CPVL: variants seen among roughly 807,000 people sequenced by gnomAD.
CPVL encodes the protein probable serine carboxypeptidase CPVL.
A neutral mutation model predicts 63.7 loss-of-function variants in CPVL; 51 were observed. The ratio of observed to expected loss-of-function variants is 0.80; its 90% CI spans 0.64 to 1.01. CPVL has a LOEUF of 1.01. Ranked by LOEUF, CPVL falls within the 50% of genes least tolerant of loss-of-function variation. The pLI is 0.00. For missense variants in CPVL, 530 were observed against 573.1 expected, an observed-to-expected ratio of 0.92 and a Z score of 0.77; for synonymous variants, 195 against 206.0, an observed-to-expected ratio of 0.95 and a Z score of 0.46.
intron 3 of CPVL, 114 bp from the exon 4 acceptor site, chr7:29,096,331 T>C (rs922318340): frequency 5.0e-6 from 4 of 794,554 alleles, no homozygotes; most frequent in East Asian, 2.6e-5. Context: ...GACTAAATCC[T>C]ACAAAACCTC....
chr7:29,050,725 CAG>C (rs564338148), intron 11 of CPVL, among the ~76,000 whole-genome samples: 39 of 150,926 alleles, frequency 2.6e-4, no homozygotes, highest in African/African-American at 8.3e-4. Context: ...TCATTCTTCA[CAG>C]AATTCGAAAA....
chr7:29,084,902 T>C (rs1340219541), intron 7 of CPVL, among the ~76,000 whole-genome samples: 1 of 152,192 alleles, frequency 6.6e-6, no homozygotes, highest in African/African-American at 2.4e-5. Flanking sequence ...TCTGAAACCA[T>C]ATTGGGCATA....
At chr7:29,030,906 A>C in intron 11 of CPVL, 147 bp from the exon 12 acceptor site, 1 of 697,352 alleles carries the variant, frequency 1.4e-6, no homozygotes, top group Non-Finnish European at 2.3e-6. Context: ...AAAGAATAAC[A>C]ATCCGAAATA....
intron 7 of CPVL, among the ~76,000 whole-genome samples, 183 bp from the exon 8 acceptor site, chr7:29,072,606 G>C (rs974367794): frequency 1.3e-5 from 2 of 151,990 alleles, no homozygotes; most frequent in East Asian, 3.9e-4. Flanking sequence ...TTCTTTTGTC[G>C]TCTCAAATAG....
At chr7:29,045,052 T>G (rs1220832507) in intron 11 of CPVL, among the ~76,000 whole-genome samples, 1 of 152,294 alleles carries the variant, frequency 6.6e-6, no homozygotes, top group Non-Finnish European at 1.5e-5. Context: ...AAAAACAACT[T>G]AAACCATCTC....
intron 3 of CPVL, among the ~76,000 whole-genome samples, chr7:29,102,360 A>G (rs1045854838): frequency 1.3e-5 from 2 of 152,194 alleles, no homozygotes; most frequent in Non-Finnish European, 2.9e-5. Context: ...TAAACAAGCA[A>G]CTAAATAAAT....
At chr7:29,087,423 CAAAAAAA>C (rs56726137) in intron 6 of CPVL, among the ~76,000 whole-genome samples, 1 of 71,400 alleles carries the variant, frequency 1.4e-5, no homozygotes, top group Non-Finnish European at 3.1e-5. Context: ...GACTCTGTCT[CAAAAAAA>C]AAAAAAAAAA....
chr7:29,192,162 T>A (rs1213483526), intron 1 of CPVL: 4 of 152,336 alleles, frequency 2.6e-5, no homozygotes, highest in African/African-American at 9.6e-5. Flanking sequence ...ACTTCTCTGT[T>A]CAGCAAGCGT....
chr7:29,106,839 T>C (rs1402674070), intron 3 of CPVL, among the ~76,000 whole-genome samples: 2 of 152,122 alleles, frequency 1.3e-5, no homozygotes, highest in Admixed American at 6.5e-5. Context: ...CCGCACAACA[T>C]CTCTCCAAAA....
intron 1 of CPVL, among the ~76,000 whole-genome samples, chr7:29,187,461 C>T (rs1349717690): frequency 5.9e-5 from 9 of 152,074 alleles, no homozygotes; most frequent in Admixed American, 4.6e-4. Context: ...CGGTGGCTCA[C>T]GCCTGTAATC....
chr7:29,091,358 G>A (rs1861117), intron 6 of CPVL, among the ~76,000 whole-genome samples: 11,411 of 151,748 alleles, frequency 0.075, 572 homozygotes, highest in East Asian at 0.21. Flanking sequence ...CAGGGTGTTT[G>A]CTAGTTAACC....
chr7:29,126,881 C>T (rs1357124305), intron 1 of CPVL: 1 of 152,066 alleles, frequency 6.6e-6, no homozygotes, highest in Non-Finnish European at 1.5e-5. Context: ...ATGTTGACAC[C>T]CTGGACAACA....
chr7:29,018,256 C>T (rs959255480), intron 12 of CPVL, among the ~76,000 whole-genome samples: 5 of 149,514 alleles, frequency 3.3e-5, no homozygotes, highest in African/African-American at 9.9e-5. Flanking sequence ...AATAAAATAA[C>T]GATGAAAAAA....
rs529775345 is a variant in CPVL at position 29,104,417 on chromosome 7, C to T, written c.289-8200G>A. ...CTGGGATTACAGGTACCTGCCACAGCCCCTGGCTAATTTTTGTATTTTTAT... is the reference window on the plus strand; with the variant it reads ...CTGGGATTACAGGTACCTGCCACAGTCCCTGGCTAATTTTTGTATTTTTAT... On this transcript the variant is annotated intron_variant, in intron 3 of 12. Transcript: ENST00000265394. Among the ~76,000 whole-genome samples the T allele has an allele frequency of 7.4e-4, 112 of 152,194 alleles. 1 individual carries two copies. The highest frequency in any genetic ancestry group is 5.4e-4 in the Non-Finnish European group (37 of 68,018).
In CPVL at chr7:29,124,804, T is replaced by C. The variant is rs370382899; in HGVS notation, c.-10-3733A>G. On this transcript the variant is annotated intron_variant, in intron 1 of 12. Transcript: ENST00000265394. ...TTAATACTTCTTAATAATTTCTAAA[T>C]TTTCTACAAAAATTTTATACTCAGA... 1.2e-4 allele frequency among the ~76,000 whole-genome samples: 19 copies of C among 152,202 alleles called. No homozygotes were observed. The East Asian group carries it at 3.3e-3, about 26-fold the overall frequency.
chr7:29,105,026 C>T (rs1035285405), intron 3 of CPVL, among the ~76,000 whole-genome samples: 4 of 152,066 alleles, frequency 2.6e-5, no homozygotes, highest in African/African-American at 7.2e-5. Context: ...CCATTAAGTA[C>T]GTAGCAAAGA....
rs1786265862 is a variant in CPVL, at chr7:29,095,117, G to A, written c.429C>T (p.Thr143=). ...CAATGTAAAGCATGGAGAGCGTTGT[G>A]GTCCAGGGGAAGTCTCTGTCACGCA... ...MTLRDRDFPW[T]TTLSMLYIDN... Residue 143 remains threonine (T), a synonymous_variant, in exon 5 of 13, where the codon ACC becomes ACT. Coordinates refer to ENST00000265394, the MANE Select transcript of CPVL (RefSeq NM_031311.5). The A allele has an allele frequency of 6.8e-6, 11 of 1,613,864 alleles. No homozygotes were observed. The highest frequency in any genetic ancestry group is 9.3e-6 in the Non-Finnish European group (11 of 1,179,896).
In CPVL at chr7:29,064,252, G is replaced by A. The variant is rs1423430015; in HGVS notation, c.964-18C>T. The A allele has an allele frequency of 1.1e-5, 17 of 1,545,202 alleles. No homozygotes were observed. The highest frequency in any genetic ancestry group is 1.4e-5 in the Non-Finnish European group (16 of 1,119,660). Reference sequence around the variant, plus strand: ...TCAGGTTCCTGGCAGAAGGGGCATTGGAAAGACATAGGGAACATGATTGGT... The same window carrying A: ...TCAGGTTCCTGGCAGAAGGGGCATTAGAAAGACATAGGGAACATGATTGGT... On this transcript the variant is annotated intron_variant, in intron 10 of 12. Coordinates refer to ENST00000265394, the MANE Select transcript of CPVL (RefSeq NM_031311.5).
At chr7:29,180,881 C>T (rs1797986628) in intron 5 of CPVL, among the ~76,000 whole-genome samples, 1 of 152,178 alleles carries the variant, frequency 6.6e-6, no homozygotes, top group Non-Finnish European at 1.5e-5. Context: ...ATAAGCATGA[C>T]TGCTTGCAGT....
Sources: gnomAD v4.1 joint callset for allele counts (sites outside exome capture counted in the v4.1 genomes callset) on GRCh38, gnomAD v4.1.1 for gene constraint, MANE v1.5 for transcripts, NCBI Gene and HGNC (gene_info 2026-07-23, HGNC 2026-07-21) for gene names.